SAMD5: variants seen among roughly 807,000 people sequenced by gnomAD.
The protein encoded by SAMD5 is sterile alpha motif domain containing 5, also known as sterile alpha motif domain-containing protein 5.
SAMD5 carries 13 observed loss-of-function variants against 11.3 expected under a neutral mutation model. The observed-to-expected ratio is 1.15, with a 90% confidence interval of 0.75 to 1.83. The LOEUF is 1.83. SAMD5 is among the 40% of genes most tolerant of loss of function. SAMD5 has a pLI of 0.00. For missense variants in SAMD5, 255 were observed against 239.1 expected (o/e 1.07, Z -0.44); for synonymous variants, 129 against 111.3 (o/e 1.16, Z -1.00).
At chr6:147,724,124 GA>G (rs1469226508) in intron 1 of SAMD5, among the ~76,000 whole-genome samples, 2 of 151,918 alleles carry the variant, frequency 1.3e-5, no homozygotes, top group African/African-American at 4.8e-5. Context: ...AATTGTACAT[GA>G]AAAAAATATA....
At chr6:147,850,947 C>CTTTTT in the SAMD5 span, among the ~76,000 whole-genome samples, 3 of 133,472 alleles carry the variant, frequency 2.2e-5, no homozygotes, top group African/African-American at 5.6e-5. Context: ...TATAATTGTT[C>CTTTTT]TTTTTTTTTT....
At chr6:147,602,852 A>G (rs1789643853) in intron 1 of SAMD5, among the ~76,000 whole-genome samples, 1 of 152,162 alleles carries the variant, frequency 6.6e-6, no homozygotes, top group South Asian at 2.1e-4. Context: ...TTAAAAATAG[A>G]AGAGAGAAAT....
At chr6:147,589,101 C>T (rs1251301801) in intron 1 of SAMD5, among the ~76,000 whole-genome samples, 1 of 151,920 alleles carries the variant, frequency 6.6e-6, no homozygotes, top group Non-Finnish European at 1.5e-5. Context: ...GGGACTACCT[C>T]ATACCACCAT....
intron 1 of SAMD5, among the ~76,000 whole-genome samples, chr6:147,632,476 G>A (rs918887560): frequency 2.0e-5 from 3 of 152,170 alleles, no homozygotes; most frequent in African/African-American, 4.8e-5. Flanking sequence ...CAGGTGTGAG[G>A]AAGAAAATAG....
At position 147,517,564 on chromosome 6, in the gene SAMD5, G is replaced by T. The variant is rs1355543091; in HGVS notation, c.459+8177G>T. ...TACCGGAGGATGCAATAACAAAACTGATTTTTTTAAAAATAACATTTCAAA... is the reference window on the plus strand; with the variant it reads ...TACCGGAGGATGCAATAACAAAACTTATTTTTTTAAAAATAACATTTCAAA... On this transcript the variant is annotated intron_variant, in intron 1 of 1. Coordinates refer to ENST00000367474, the MANE Select transcript of SAMD5 (RefSeq NM_001030060.3). Among the ~76,000 whole-genome samples the T allele has an allele frequency of 2.6e-5, 4 of 152,186 alleles. No homozygotes were observed. In the East Asian group the frequency reaches 7.7e-4, roughly 29 times the overall value.
chr6:147,677,761 T>G (rs1317206511), intron 1 of SAMD5, among the ~76,000 whole-genome samples: 1 of 151,978 alleles, frequency 6.6e-6, no homozygotes, highest in Non-Finnish European at 1.5e-5. Flanking sequence ...TTAGAGGGTG[T>G]ATGGTGGTTG....
the SAMD5 span, among the ~76,000 whole-genome samples, chr6:147,835,196 G>A: frequency 7.1e-6 from 1 of 141,340 alleles, no homozygotes; most frequent in Non-Finnish European, 1.5e-5. Context: ...TTGCACCACT[G>A]CACTCCAGCC....
At chr6:147,752,974 C>A in the SAMD5 span, among the ~76,000 whole-genome samples, 2 of 152,198 alleles carry the variant, frequency 1.3e-5, no homozygotes, top group Non-Finnish European at 2.9e-5. Flanking sequence ...TGGGTGACTG[C>A]ATTTATTTTT....
chr6:147,664,558 T>C (rs953846400), intron 1 of SAMD5, among the ~76,000 whole-genome samples: 27 of 152,182 alleles, frequency 1.8e-4, no homozygotes, highest in Admixed American at 6.5e-5. Flanking sequence ...TGAAGGACTC[T>C]TTTTTAAGTG....
chr6:147,531,115 C>T (rs965349943), intron 1 of SAMD5, among the ~76,000 whole-genome samples: 12 of 150,840 alleles, frequency 8.0e-5, no homozygotes, highest in African/African-American at 2.7e-4. Context: ...TATCCCAGGA[C>T]ATTTAAACTT....
the SAMD5 span, among the ~76,000 whole-genome samples, chr6:147,759,817 G>A: frequency 6.6e-6 from 1 of 152,036 alleles, no homozygotes; most frequent in African/African-American, 2.4e-5. Context: ...CTTTCTTTAA[G>A]ACCAAAGCAC....
the SAMD5 span, among the ~76,000 whole-genome samples, chr6:147,889,361 T>C: frequency 6.6e-6 from 1 of 152,218 alleles, no homozygotes; most frequent in Admixed American, 6.5e-5. Context: ...CTCTATTTAA[T>C]GTATTCAATC....
At chr6:147,847,338 G>A in the SAMD5 span, among the ~76,000 whole-genome samples, 3 of 152,090 alleles carry the variant, frequency 2.0e-5, no homozygotes, top group African/African-American at 4.8e-5. Flanking sequence ...AGTACACCAC[G>A]CACGTTGTTG....
At chr6:147,545,747 A>T (rs1788675223) in intron 1 of SAMD5, among the ~76,000 whole-genome samples, 1 of 152,196 alleles carries the variant, frequency 6.6e-6, no homozygotes, top group Admixed American at 6.5e-5. Flanking sequence ...TGTATATATA[A>T]AACACAGACA....
At chr6:147,737,391 C>T in exon 2 of SAMD5, 2 of 1,190,456 alleles carry the variant, frequency 1.7e-6, no homozygotes, top group Non-Finnish European at 2.2e-6. Context: ...TCATCTCAAT[C>T]CCACGCTATT....
intron 1 of SAMD5, among the ~76,000 whole-genome samples, chr6:147,551,248 C>A (rs1788767786): frequency 6.6e-6 from 1 of 152,074 alleles, no homozygotes; most frequent in African/African-American, 2.4e-5. Flanking sequence ...TCAGTCTATT[C>A]CCTAAAAATC....
the SAMD5 span, among the ~76,000 whole-genome samples, chr6:147,885,999 A>G: frequency 2.6e-5 from 4 of 152,214 alleles, no homozygotes; most frequent in Non-Finnish European, 5.9e-5. Flanking sequence ...TTTAGGGCTA[A>G]CATAATAAAG....
chr6:147,771,000 G>T, the SAMD5 span, among the ~76,000 whole-genome samples: 1 of 152,184 alleles, frequency 6.6e-6, no homozygotes, highest in Non-Finnish European at 1.5e-5. Flanking sequence ...AGGGAAGAAT[G>T]TCCTTTCTAA....
In SAMD5 at chr6:147,711,598, CAG is replaced by C. The variant is rs1791401314; in HGVS notation, c.163-25714_163-25713del. 6.6e-6 allele frequency among the ~76,000 whole-genome samples: 1 copy of C among 152,124 alleles called. No homozygotes were observed. The highest frequency in any genetic ancestry group is 6.5e-5 in the Admixed American group (1 of 15,276). On this transcript the variant is annotated intron_variant, in intron 1 of 1. Coordinates refer to the SAMD5 transcript ENST00000566741. The surrounding 1 kb of genome is among the most constrained non-coding windows in gnomAD (Gnocchi z 4.1). ...TTAATTGAGGATGTAGAAAATATTG[CAG>C]AGAGTAAAGAAAAGGCTAGGAATGC...
Sources: gnomAD v4.1 joint callset for allele counts (sites outside exome capture counted in the v4.1 genomes callset) on GRCh38, gnomAD v4.1.1 for gene constraint, Gnocchi (gnomAD v3.1) non-coding constraint, MANE v1.5 for transcripts, NCBI Gene and HGNC (gene_info 2026-07-23, HGNC 2026-07-21) for gene names.